COBL: variants seen among roughly 807,000 people sequenced by gnomAD.
COBL encodes protein cordon-bleu.
Under a neutral mutation model 98.8 loss-of-function variants are expected in COBL, and 51 were observed. The ratio of observed to expected loss-of-function variants is 0.52; its 90% confidence interval spans 0.41 to 0.65. The LOEUF is 0.65. COBL is among the 30% of genes least tolerant of loss of function. The pLI is 0.00. For synonymous variants in COBL, 634 were observed against 651.7 expected, an observed-to-expected ratio of 0.97 and a Z score of 0.41; for missense variants, 1,617 against 1,617.5, an observed-to-expected ratio of 1.00 and a Z score of 0.01.
chr7:51,172,533 G>A (rs1015273801), intron 5 of COBL: 3 of 1,286,212 alleles, frequency 2.3e-6, no homozygotes, highest in Non-Finnish European at 2.0e-6. Context: ...TGCTCAGCCT[G>A]GAACACAAGC....
chr7:51,146,943 G>A (rs924322676), intron 5 of COBL, among the ~76,000 whole-genome samples: 1 of 152,206 alleles, frequency 6.6e-6, no homozygotes, highest in African/African-American at 2.4e-5. Flanking sequence ...CAGGAGGGGT[G>A]TGACATTCTC....
At chr7:51,082,924 G>T in intron 7 of COBL, 4 of 808,388 alleles carry the variant, frequency 4.9e-6, no homozygotes, top group Non-Finnish European at 4.1e-6. Flanking sequence ...TTCAGCATTG[G>T]GAAACAAGAG....
At chr7:51,296,171 G>C (rs1379478037) in intron 1 of COBL, among the ~76,000 whole-genome samples, 1 of 152,128 alleles carries the variant, frequency 6.6e-6, no homozygotes, top group Non-Finnish European at 1.5e-5. Context: ...TCTTTATTGT[G>C]GGATCTGTCA....
intron 6 of COBL, among the ~76,000 whole-genome samples, chr7:51,108,880 T>G (rs1202670771): frequency 6.8e-6 from 1 of 147,784 alleles, no homozygotes; most frequent in African/African-American, 2.5e-5. Flanking sequence ...TCTCCCATCA[T>G]GGAGCCGTCA....
intron 7 of COBL, 124 bp downstream of exon 7, chr7:51,085,042 G>A (rs1794063598): frequency 4.4e-6 from 6 of 1,353,356 alleles, no homozygotes; most frequent in Admixed American, 4.0e-5. Context: ...TCTTTCTTTA[G>A]CATTAATATT....
chr7:51,076,934 C>T (rs907117179), intron 7 of COBL, among the ~76,000 whole-genome samples: 5 of 152,192 alleles, frequency 3.3e-5, no homozygotes, highest in Non-Finnish European at 5.9e-5. Flanking sequence ...ATCTTTAAAT[C>T]TCCAAGGTCT....
intron 5 of COBL, among the ~76,000 whole-genome samples, chr7:51,147,142 G>A (rs913440458): frequency 7.9e-5 from 12 of 152,216 alleles, no homozygotes; most frequent in African/African-American, 2.9e-4. Context: ...CCTCCAAGCT[G>A]TGTCAGCCCT....
At chr7:51,033,235 A>G (rs1788324057) in intron 8 of COBL, 1 of 152,244 alleles carries the variant, frequency 6.6e-6, no homozygotes, top group Admixed American at 6.5e-5. Flanking sequence ...GGAAATACAT[A>G]TCAAAAAACA....
intron 2 of COBL, among the ~76,000 whole-genome samples, chr7:51,204,005 C>T (rs575287517): frequency 3.3e-5 from 5 of 152,282 alleles, no homozygotes; most frequent in African/African-American, 9.6e-5. Context: ...TTCAACAGCA[C>T]ATTTAAAGGA....
At chr7:51,214,205 G>A (rs889054407) in intron 2 of COBL, among the ~76,000 whole-genome samples, 7 of 152,026 alleles carry the variant, frequency 4.6e-5, no homozygotes, top group Admixed American at 4.6e-4. Flanking sequence ...GGCAGAGGTT[G>A]CAGTGAGCCG....
At chr7:51,068,531 T>C (rs1441433696) in intron 7 of COBL, among the ~76,000 whole-genome samples, 1 of 152,238 alleles carries the variant, frequency 6.6e-6, no homozygotes, top group Non-Finnish European at 1.5e-5. Flanking sequence ...TATATATAGT[T>C]GTGTGCATGT....
At chr7:51,243,560 C>G (rs914894936) in intron 1 of COBL, among the ~76,000 whole-genome samples, 1 of 151,292 alleles carries the variant, frequency 6.6e-6, no homozygotes, top group African/African-American at 2.4e-5. Flanking sequence ...ACCCGTGCCA[C>G]GGGCTAGCCC....
chr7:51,263,567 G>A (rs1045412016), intron 1 of COBL, among the ~76,000 whole-genome samples: 4 of 151,898 alleles, frequency 2.6e-5, no homozygotes, highest in African/African-American at 7.3e-5. Context: ...AGTGGGTGGA[G>A]GTCCCCACTT....
chr7:51,223,149 C>T (rs879401780), intron 1 of COBL, among the ~76,000 whole-genome samples: 3 of 152,254 alleles, frequency 2.0e-5, no homozygotes, highest in African/African-American at 4.8e-5. Context: ...ACTGCTTACA[C>T]GCCTGGCAGG....
At chr7:51,199,934 A>C (rs1463166302) in intron 2 of COBL, among the ~76,000 whole-genome samples, 1 of 152,184 alleles carries the variant, frequency 6.6e-6, no homozygotes, top group Admixed American at 6.5e-5. Context: ...AAATATATTA[A>C]ACAAAAAGAG....
intron 9 of COBL, 46 bp from the exon 10 acceptor site, chr7:51,029,637 T>G: frequency 1.4e-6 from 2 of 1,462,896 alleles, no homozygotes; most frequent in Non-Finnish European, 1.9e-6. Context: ...CCCACACCAA[T>G]TACTTAGTGT....
intron 6 of COBL, among the ~76,000 whole-genome samples, chr7:51,095,814 A>G (rs1366697491): frequency 6.6e-6 from 1 of 152,178 alleles, no homozygotes; most frequent in Non-Finnish European, 1.5e-5. Context: ...ATAATGATAA[A>G]CGATCTACTC....
At chr7:51,058,620 C>T (rs191859063) in intron 7 of COBL, among the ~76,000 whole-genome samples, 2 of 152,154 alleles carry the variant, frequency 1.3e-5, no homozygotes, top group South Asian at 4.2e-4. Context: ...TGACACTGTG[C>T]GGATTCAACT....
chr7:51,213,251 A>G lies in COBL; in HGVS notation c.245+6490T>C, dbSNP rs556151353. Among the ~76,000 whole-genome samples, 111 of 152,292 alleles carry G rather than the reference A, an allele frequency of 7.3e-4. 1 individual carries two copies. The South Asian group carries it at 0.023, about 31-fold the overall frequency. On this transcript the variant is annotated intron_variant, in intron 2 of 12. Coordinates refer to ENST00000265136, the MANE Select transcript of COBL (RefSeq NM_015198.5). ...CGCCTGCCACAGACGAGGACCAGTC[A>G]ACGGTGTGTTAGAAGCCAGGTCGCA...
Sources: allele counts gnomAD v4.1 joint callset (sites outside exome capture counted in the v4.1 genomes callset), GRCh38; gene constraint gnomAD v4.1.1; transcripts MANE v1.5; gene names NCBI Gene and HGNC (gene_info 2026-07-23, HGNC 2026-07-21).